The following RNF150 variants were observed in gnomAD, a reference collection of about 807,000 sequenced individuals.
RNF150 encodes the protein ring finger protein 150.
RNF150 carries 24 observed loss-of-function variants against 39.3 expected under a neutral mutation model. The ratio of observed to expected loss-of-function variants is 0.61; its 90% CI spans 0.44 to 0.86. The LOEUF is 0.86. Ranked by LOEUF, RNF150 falls within the 40% of genes least tolerant of loss-of-function variation. RNF150 has a pLI of 0.00. For synonymous variants in RNF150, 255 were observed against 227.3 expected (o/e 1.12, Z -1.10); for missense variants, 502 against 587.8 (o/e 0.85, Z 1.51).
intron 2 of RNF150, among the ~76,000 whole-genome samples, chr4:140,962,448 T>C (rs1733077434): frequency 6.6e-6 from 1 of 151,468 alleles, no homozygotes; most frequent in African/African-American, 2.4e-5. Context: ...TATTCATATA[T>C]ACGTATATGA....
intron 5 of RNF150, among the ~76,000 whole-genome samples, chr4:140,921,414 G>C (rs988093955): frequency 6.6e-6 from 1 of 151,996 alleles, no homozygotes; most frequent in Non-Finnish European, 1.5e-5. Flanking sequence ...CAAGACTAAA[G>C]CAGGAAGAAG....
chr4:140,921,192 TA>T (rs1473142699), intron 5 of RNF150, among the ~76,000 whole-genome samples: 2 of 150,418 alleles, frequency 1.3e-5, no homozygotes, highest in Admixed American at 6.6e-5. Context: ...ATAATAATAA[TA>T]ATAATAATAT....
At chr4:141,045,068 A>T (rs1736520369) in intron 1 of RNF150, among the ~76,000 whole-genome samples, 1 of 152,238 alleles carries the variant, frequency 6.6e-6, no homozygotes, top group South Asian at 2.1e-4. Flanking sequence ...ATGTAAAAAA[A>T]CTGGCAGCCT....
chr4:141,207,296 A>G (rs916644679), intron 1 of RNF150, among the ~76,000 whole-genome samples: 7 of 152,142 alleles, frequency 4.6e-5, no homozygotes, highest in African/African-American at 1.7e-4. Flanking sequence ...TCTGGGCCCA[A>G]TCTAATTGCA....
Position 141,069,762 on chromosome 4 carries a change from T to C in RNF150, c.484+62563A>G, listed in dbSNP as rs906917832. 3.6e-3 allele frequency among the ~76,000 whole-genome samples: 555 copies of C among 152,138 alleles called. 6 individuals carry two copies. Among genetic ancestry groups the C allele is most frequent in the African/African-American group, 0.013 (541 of 41,490 alleles). On this transcript the variant is annotated intron_variant, in intron 1 of 6. Transcript: ENST00000515673. ...CTCCTGTTATTGGTCTATTCAGAGA[T>C]TCAACTTCTTCCTGGTTTAGTCTTG...
chr4:140,988,774 C>T (rs1187475436), intron 1 of RNF150, among the ~76,000 whole-genome samples: 5 of 151,948 alleles, frequency 3.3e-5, no homozygotes, highest in Non-Finnish European at 7.4e-5. Flanking sequence ...CAATGATGGA[C>T]TGGATTAAGA....
intron 1 of RNF150, among the ~76,000 whole-genome samples, chr4:141,188,396 C>T (rs1429449330): frequency 6.6e-6 from 1 of 152,140 alleles, no homozygotes; most frequent in Non-Finnish European, 1.5e-5. Context: ...GTTGGCCTGT[C>T]TTGCTAGTTT....
At chr4:140,987,652 TATAAGA>T (rs1285173425) in intron 1 of RNF150, among the ~76,000 whole-genome samples, 1 of 152,048 alleles carries the variant, frequency 6.6e-6, no homozygotes, top group Admixed American at 6.6e-5. Flanking sequence ...GATCTGAAAC[TATAAGA>T]ATAAGAAGAA....
At chr4:140,940,889 G>C (rs960343682) in intron 4 of RNF150, among the ~76,000 whole-genome samples, 1 of 152,184 alleles carries the variant, frequency 6.6e-6, no homozygotes, top group Admixed American at 6.5e-5. Context: ...CCATTTTGCT[G>C]TACACTGTTG....
intron 2 of RNF150, among the ~76,000 whole-genome samples, chr4:140,964,944 C>CA (rs912361707): frequency 4.0e-5 from 6 of 150,828 alleles, no homozygotes; most frequent in Admixed American, 2.7e-4. Flanking sequence ...GGGGATACTG[C>CA]ATATGAGGGG....
intron 4 of RNF150, among the ~76,000 whole-genome samples, chr4:140,941,942 A>C (rs1184745680): frequency 1.3e-5 from 2 of 152,162 alleles, no homozygotes; most frequent in Non-Finnish European, 2.9e-5. Context: ...TTCTTCTGTT[A>C]ATAAAAGTAA....
intron 1 of RNF150, among the ~76,000 whole-genome samples, chr4:141,131,960 T>C (rs1382893629): frequency 6.6e-6 from 1 of 152,084 alleles, no homozygotes; most frequent in Non-Finnish European, 1.5e-5. Context: ...TGCTGTGGTA[T>C]CAGATCTACT....
In RNF150 at chr4:141,175,616, C is replaced by T. The variant is rs116697084; in HGVS notation, c.-6+37178G>A. ...TCTCCTCCCTACTTGAGTTCAGAAGCAACTGAAAGATAAGGCAAAGAGGTC... is the reference window on the plus strand; with the variant it reads ...TCTCCTCCCTACTTGAGTTCAGAAGTAACTGAAAGATAAGGCAAAGAGGTC... On this transcript the variant is annotated intron_variant, in intron 1 of 7. Transcript: ENST00000420921. 1.6e-3 allele frequency among the ~76,000 whole-genome samples: 248 copies of T among 152,256 alleles called. 2 individuals carry two copies. The highest frequency in any genetic ancestry group is 5.8e-3 in the African/African-American group (242 of 41,552).
chr4:141,039,892 G>A (rs1736292096), intron 1 of RNF150, among the ~76,000 whole-genome samples: 9 of 152,094 alleles, frequency 5.9e-5, no homozygotes, highest in Admixed American at 5.2e-4. Flanking sequence ...ACCACTACAT[G>A]TAATATAGGA....
chr4:140,922,402 C>T, intron 5 of RNF150, among the ~76,000 whole-genome samples: 1 of 149,070 alleles, frequency 6.7e-6, no homozygotes, highest in Non-Finnish European at 1.5e-5. Flanking sequence ...CCTAGGAATC[C>T]AACTTATACG....
intron 6 of RNF150, among the ~76,000 whole-genome samples, chr4:140,877,329 TG>T (rs1729194819): frequency 6.6e-6 from 1 of 152,178 alleles, no homozygotes; most frequent in African/African-American, 2.4e-5. Flanking sequence ...TTTTTTACAA[TG>T]CCCAATTAGT....
chr4:140,909,269 C>A (rs1211870659), intron 6 of RNF150, among the ~76,000 whole-genome samples: 1 of 152,158 alleles, frequency 6.6e-6, no homozygotes, highest in African/African-American at 2.4e-5. Context: ...TATTCTAGAT[C>A]TATGCACTCC....
chr4:141,099,305 T>C (rs1738918173), intron 1 of RNF150, among the ~76,000 whole-genome samples: 1 of 152,096 alleles, frequency 6.6e-6, no homozygotes, highest in African/African-American at 2.4e-5. Flanking sequence ...TAGAAAGTGC[T>C]CTGCAACCAA....
chr4:140,933,636 G>A (rs1434929470), intron 4 of RNF150, among the ~76,000 whole-genome samples: 1 of 152,190 alleles, frequency 6.6e-6, no homozygotes, highest in African/African-American at 2.4e-5. Flanking sequence ...AATGAAGTTG[G>A]AAAATATGAT....
Sources: allele counts gnomAD v4.1 joint callset (sites outside exome capture counted in the v4.1 genomes callset), GRCh38; gene constraint gnomAD v4.1.1; transcripts MANE v1.5; gene names NCBI Gene and HGNC (gene_info 2026-07-23, HGNC 2026-07-21).